GALNT7: variants seen among roughly 807,000 people sequenced by gnomAD.
GALNT7 encodes the protein polypeptide N-acetylgalactosaminyltransferase 7, also known as N-acetylgalactosaminyltransferase 7.
GALNT7 carries 60 observed loss-of-function variants against 82.1 expected under a neutral mutation model. That is an observed-to-expected ratio of 0.73 (90% CI 0.59 to 0.91). The LOEUF (loss-of-function observed/expected upper bound fraction) is 0.91. Among genes scored for constraint, GALNT7 ranks in the 40% least tolerant of loss-of-function variants. The pLI is 0.00. For missense variants in GALNT7, 660 were observed against 804.2 expected (o/e 0.82, Z 2.17); for synonymous variants, 243 against 275.1 (o/e 0.88, Z 1.15).
chr4:173,235,512 C>G (rs1734191018), intron 1 of GALNT7, among the ~76,000 whole-genome samples: 1 of 152,074 alleles, frequency 6.6e-6, no homozygotes. Context: ...CAGATCTTTG[C>G]TCAGTGATGT....
chr4:173,249,649 A>G (rs892231515), intron 2 of GALNT7, among the ~76,000 whole-genome samples: 25 of 152,212 alleles, frequency 1.6e-4, no homozygotes, highest in South Asian at 2.1e-4. Context: ...AAGATGCCCA[A>G]TTAAATTTGA....
chr4:173,313,542 G>C (rs977268560), intron 8 of GALNT7, among the ~76,000 whole-genome samples: 1 of 146,950 alleles, frequency 6.8e-6, no homozygotes, highest in Non-Finnish European at 1.5e-5. Context: ...CTGCACCCTA[G>C]CCTGAATGAC....
chr4:173,293,886 C>T (rs993531897), intron 3 of GALNT7, among the ~76,000 whole-genome samples: 3 of 152,226 alleles, frequency 2.0e-5, no homozygotes, highest in African/African-American at 7.2e-5. Context: ...ACACAACCAG[C>T]CTCTTAATGC....
chr4:173,206,531 C>A (rs1163749054), intron 1 of GALNT7, among the ~76,000 whole-genome samples: 2 of 152,144 alleles, frequency 1.3e-5, no homozygotes, highest in Admixed American at 1.3e-4. Flanking sequence ...AATATCTTGC[C>A]AATGACACAA....
chr4:173,179,084 T>A (rs1732167243), intron 1 of GALNT7, among the ~76,000 whole-genome samples: 2 of 152,228 alleles, frequency 1.3e-5, no homozygotes, highest in South Asian at 4.1e-4. Context: ...TATGAAATTA[T>A]TTTTTATGCA....
chr4:173,303,151 C>T (rs1437871187), intron 7 of GALNT7, among the ~76,000 whole-genome samples: 1 of 151,434 alleles, frequency 6.6e-6, no homozygotes, highest in East Asian at 1.9e-4. Flanking sequence ...GCCGAGATCG[C>T]ACCACTGCAC....
chr4:173,209,373 T>C (rs1733200790), intron 1 of GALNT7, among the ~76,000 whole-genome samples: 1 of 152,196 alleles, frequency 6.6e-6, no homozygotes, highest in African/African-American at 2.4e-5. Context: ...GCAGAAAGAG[T>C]AAAACTTCTG....
chr4:173,306,403 G>A (rs1356692741), intron 8 of GALNT7, among the ~76,000 whole-genome samples: 1 of 152,194 alleles, frequency 6.6e-6, no homozygotes, highest in African/African-American at 2.4e-5. Context: ...CCAGTAGTAT[G>A]TTGAATAGAA....
rs142590462 is a variant in GALNT7 at position 173,236,865 on chromosome 4, G to A, written c.127-11115G>A. On this transcript the variant is annotated intron_variant, in intron 1 of 11. Transcript: ENST00000265000. ...TATAGTAGACCTGTAATAAATATTC[G>A]GATAACAGAAAGGACAGTTCTTTTA... 1.0e-3 allele frequency among the ~76,000 whole-genome samples: 154 copies of A among 152,054 alleles called. 1 individual carries two copies. The highest frequency in any genetic ancestry group is 1.4e-3 in the Non-Finnish European group (98 of 68,002).
intron 1 of GALNT7, among the ~76,000 whole-genome samples, chr4:173,203,722 T>TA (rs1733011028): frequency 6.6e-6 from 1 of 152,196 alleles, no homozygotes; most frequent in Admixed American, 6.5e-5. Context: ...CAGATTGCAT[T>TA]AAAAAACTAC....
chr4:173,269,902 G>A (rs567178904), intron 2 of GALNT7, among the ~76,000 whole-genome samples: 9 of 152,300 alleles, frequency 5.9e-5, no homozygotes, highest in African/African-American at 2.2e-4. Context: ...ATCAAAAGTT[G>A]CAGTCATGAT....
At chr4:173,192,423 C>G (rs1224506112) in intron 1 of GALNT7, among the ~76,000 whole-genome samples, 1 of 152,164 alleles carries the variant, frequency 6.6e-6, no homozygotes, top group African/African-American at 2.4e-5. Flanking sequence ...AAAGCCGTCT[C>G]ATCCCTGTTT....
chr4:173,319,311 C>G (rs571414441), intron 11 of GALNT7, among the ~76,000 whole-genome samples: 31 of 152,186 alleles, frequency 2.0e-4, no homozygotes, highest in African/African-American at 7.2e-4. Context: ...TATTTACTCA[C>G]CCAGTATTTG....
At chr4:173,169,136 T>G in intron 1 of GALNT7, 175 bp downstream of exon 1, 1 of 337,502 alleles carries the variant, frequency 3.0e-6, no homozygotes, top group East Asian at 5.6e-5. Flanking sequence ...CACTCCGACC[T>G]CCCTGGCCGC....
intron 8 of GALNT7, among the ~76,000 whole-genome samples, chr4:173,310,904 T>A (rs1003947893): frequency 5.4e-4 from 82 of 152,078 alleles, no homozygotes; most frequent in African/African-American, 1.9e-3. Flanking sequence ...CCTGGCTAAT[T>A]TTTGTATTTT....
intron 1 of GALNT7, among the ~76,000 whole-genome samples, chr4:173,191,244 T>C (rs913745563): frequency 1.3e-5 from 2 of 152,094 alleles, no homozygotes; most frequent in African/African-American, 4.8e-5. Flanking sequence ...GGTACTTGGC[T>C]GGCTGGCTGC....
intron 8 of GALNT7, among the ~76,000 whole-genome samples, chr4:173,310,385 T>C (rs976541586): frequency 6.6e-6 from 1 of 152,186 alleles, no homozygotes; most frequent in East Asian, 1.9e-4. Context: ...TCCCTTTCTA[T>C]ACTTAGTGCA....
intron 1 of GALNT7, among the ~76,000 whole-genome samples, chr4:173,209,735 T>C (rs1326646488): frequency 2.0e-5 from 3 of 152,228 alleles, no homozygotes; most frequent in Non-Finnish European, 2.9e-5. Flanking sequence ...CCACCCTACC[T>C]GCCAGTCTAT....
intron 1 of GALNT7, among the ~76,000 whole-genome samples, chr4:173,180,944 A>G (rs558405740): frequency 2.0e-5 from 3 of 152,204 alleles, no homozygotes; most frequent in Non-Finnish European, 2.9e-5. Context: ...AGAGTTTTAC[A>G]TCTTCGTTTG....
Sources: gnomAD v4.1 joint callset for allele counts (sites outside exome capture counted in the v4.1 genomes callset) on GRCh38, gnomAD v4.1.1 for gene constraint, MANE v1.5 for transcripts, NCBI Gene and HGNC (gene_info 2026-07-23, HGNC 2026-07-21) for gene names.